Variants in CADPS observed in about 807,000 individuals in gnomAD.
CADPS encodes calcium dependent secretion activator.
CADPS carries 57 observed loss-of-function variants against 167.3 expected under a neutral mutation model. That is an observed-to-expected ratio of 0.34 (90% CI 0.28 to 0.42). The LOEUF (loss-of-function observed/expected upper bound fraction) is 0.42, where lower values mean the gene tolerates loss of function less well. Among genes scored for constraint, CADPS ranks in the 20% least tolerant of loss-of-function variants. The probability of loss-of-function intolerance (pLI) is 1.00; values close to 1 mark genes in which losing one functional copy is unlikely to be tolerated. For synonymous variants in CADPS, 676 were observed against 635.3 expected (o/e 1.06, Z -0.96); for missense variants, 1,414 against 1,738.1 (o/e 0.81, Z 3.32).
chr3:62,861,286 C>T (rs749185351), intron 1 of CADPS, among the ~76,000 whole-genome samples: 2 of 152,090 alleles, frequency 1.3e-5, no homozygotes, highest in Non-Finnish European at 1.5e-5. Context: ...ATCAGAATAT[C>T]GGTCACTGAA....
chr3:62,869,260 T>C (rs1180851137), intron 1 of CADPS, among the ~76,000 whole-genome samples: 4 of 152,072 alleles, frequency 2.6e-5, no homozygotes, highest in Non-Finnish European at 5.9e-5. Context: ...GATATGGAAG[T>C]CATTTAGCCT....
At chr3:62,541,708 G>T (rs2075727614) in intron 11 of CADPS, among the ~76,000 whole-genome samples, 1 of 152,052 alleles carries the variant, frequency 6.6e-6, no homozygotes, top group African/African-American at 2.4e-5. Context: ...AATTCAAGTG[G>T]TATGGTCCCT....
chr3:62,709,864 G>A (rs927387321), intron 3 of CADPS, among the ~76,000 whole-genome samples: 4 of 151,912 alleles, frequency 2.6e-5, no homozygotes, highest in African/African-American at 9.7e-5. Flanking sequence ...CCACCTCCTG[G>A]GTTCAAGCAA....
chr3:62,690,269 A>T (rs530733162), intron 3 of CADPS, among the ~76,000 whole-genome samples: 1 of 151,972 alleles, frequency 6.6e-6, no homozygotes, highest in African/African-American at 2.4e-5. Context: ...GGAGAACAAA[A>T]GTTGTGACTT....
intron 1 of CADPS, among the ~76,000 whole-genome samples, chr3:62,870,790 G>A (rs2082500490): frequency 6.6e-6 from 1 of 152,138 alleles, no homozygotes; most frequent in African/African-American, 2.4e-5. Context: ...AACAGTGCCT[G>A]CTTTTACATT....
intron 10 of CADPS, among the ~76,000 whole-genome samples, chr3:62,556,289 T>C (rs1441370190): frequency 6.6e-6 from 1 of 152,194 alleles, no homozygotes; most frequent in Non-Finnish European, 1.5e-5. Flanking sequence ...CATTCTGCTC[T>C]GGCAAGTAGC....
chr3:62,851,794 T>C (rs1336644959), intron 1 of CADPS, among the ~76,000 whole-genome samples: 3 of 150,350 alleles, frequency 2.0e-5, no homozygotes, highest in African/African-American at 7.3e-5. Flanking sequence ...TGGCATTCTC[T>C]GTATTTCCTG....
rs781136889 is a variant in CADPS at position 62,516,075 on chromosome 3, C to A, written c.2565G>T (p.Glu855Asp). 8.1e-6 allele frequency: 13 copies of A among 1,613,044 alleles called. No individual in the cohort carries two copies. Among genetic ancestry groups the A allele is most frequent in the Non-Finnish European group, 1.0e-5 (12 of 1,179,366 alleles). The change falls in exon 16 of 30, where the codon GAG (glutamate) becomes GAT (aspartate). Residue 855 changes from glutamate (E) to aspartate (D), a missense_variant. Around this residue, in one of 6 missense-constraint regions of CADPS, gnomAD observed 529 missense variants for 629.6 expected, o/e 0.84. Coordinates refer to ENST00000383710, the MANE Select transcript of CADPS (RefSeq NM_003716.4). The stretch of plus-strand genomic sequence containing the variant: ...GAGCCTTACCTTCGATTTTGGCATA[C>A]TCTGAGAGCCGAGAATAGTTGACTA... ...AALVNYSRLS[E>D]YAKIEENQKD...
intron 4 of CADPS, among the ~76,000 whole-genome samples, chr3:62,660,119 G>A (rs964538661): frequency 6.6e-6 from 1 of 151,840 alleles, no homozygotes; most frequent in Non-Finnish European, 1.5e-5. Context: ...GGCTCATCCA[G>A]GTTCTATTAA....
intron 6 of CADPS, among the ~76,000 whole-genome samples, chr3:62,633,407 A>G (rs959973293): frequency 6.6e-6 from 1 of 152,144 alleles, no homozygotes. Flanking sequence ...ACTTTGGGAC[A>G]TAAAACCCAA....
At chr3:62,678,165 G>T (rs561405362) in intron 3 of CADPS, among the ~76,000 whole-genome samples, 5 of 152,066 alleles carry the variant, frequency 3.3e-5, no homozygotes, top group African/African-American at 4.8e-5. Context: ...CAGGGAAAGG[G>T]TCATGCAAAC....
At chr3:62,846,624 C>A (rs565832443) in intron 1 of CADPS, among the ~76,000 whole-genome samples, 1 of 152,204 alleles carries the variant, frequency 6.6e-6, no homozygotes, top group East Asian at 1.9e-4. Flanking sequence ...CCAAAAGTGA[C>A]CAAAGATTGG....
intron 13 of CADPS, among the ~76,000 whole-genome samples, chr3:62,527,663 A>G (rs2072636280): frequency 6.6e-6 from 1 of 152,148 alleles, no homozygotes; most frequent in African/African-American, 2.4e-5. Flanking sequence ...GTTGGGAGAA[A>G]CTTGGTCACT....
intron 27 of CADPS, among the ~76,000 whole-genome samples, chr3:62,443,677 TGAA>T (rs1398696243): frequency 6.6e-6 from 1 of 152,166 alleles, no homozygotes; most frequent in Non-Finnish European, 1.5e-5. Flanking sequence ...TGCTGTCTTG[TGAA>T]GAAGGACGTG....
At chr3:62,732,589 A>G (rs522345) in intron 3 of CADPS, among the ~76,000 whole-genome samples, 85,043 of 152,190 alleles carry the variant, frequency 0.56, 25,679 homozygotes, top group African/African-American at 0.79. Flanking sequence ...AAGTTACACG[A>G]CAAGAGACAA....
At chr3:62,504,854 G>C (rs115591142) in intron 17 of CADPS, among the ~76,000 whole-genome samples, 1 of 152,046 alleles carries the variant, frequency 6.6e-6, no homozygotes, top group African/African-American at 2.4e-5. Flanking sequence ...ATGCATCCAG[G>C]AGCAAGAGAC....
intron 1 of CADPS, among the ~76,000 whole-genome samples, chr3:62,871,854 C>T (rs2082687738): frequency 6.6e-6 from 1 of 152,136 alleles, no homozygotes; most frequent in African/African-American, 2.4e-5. Flanking sequence ...TATATAGGAA[C>T]TCTCTGTACC....
intron 24 of CADPS, 108 bp from the exon 25 acceptor site, chr3:62,466,521 C>A (rs749676253): frequency 2.7e-6 from 2 of 734,256 alleles, no homozygotes; most frequent in Non-Finnish European, 4.9e-6. Context: ...GCCTGCGGAC[C>A]CCGTTTATTT....
At chr3:62,621,602 A>G (rs1208466535) in intron 6 of CADPS, among the ~76,000 whole-genome samples, 1 of 152,074 alleles carries the variant, frequency 6.6e-6, no homozygotes, top group African/African-American at 2.4e-5. Flanking sequence ...TTTTGTTTTT[A>G]TTAAGTTCAG....
Sources: gnomAD v4.1 joint callset for allele counts (sites outside exome capture counted in the v4.1 genomes callset) on GRCh38, gnomAD v4.1.1 for gene constraint, gnomAD v4.1.1 regional missense constraint, MANE v1.5 for transcripts, NCBI Gene and HGNC (gene_info 2026-07-23, HGNC 2026-07-21) for gene names.